NEURL4: variants seen among roughly 807,000 people sequenced by gnomAD.
The protein encoded by NEURL4 is neuralized E3 ubiquitin protein ligase 4.
Under a neutral mutation model 148.0 loss-of-function variants are expected in NEURL4, and 45 were observed. The ratio of observed to expected loss-of-function variants is 0.30; its 90% confidence interval spans 0.24 to 0.39. The LOEUF is 0.39. Ranked by LOEUF, NEURL4 falls within the 10% of genes least tolerant of loss-of-function variation. The pLI, the probability that NEURL4 is intolerant of heterozygous loss-of-function variation, is 1.00. For missense variants in NEURL4, 1,776 were observed against 2,144.0 expected, an observed-to-expected ratio of 0.83 and a Z score of 3.39; for synonymous variants, 854 against 869.0, an observed-to-expected ratio of 0.98 and a Z score of 0.30.
Position 7,323,951 on chromosome 17 carries a change from C to T in NEURL4, c.2124G>A (p.Pro708=), listed in dbSNP as rs543676085. 9.3e-6 allele frequency: 15 copies of T among 1,612,968 alleles called. No homozygotes were observed. The highest frequency in any genetic ancestry group is 4.5e-5 in the East Asian group (2 of 44,890). ...EGNNQVSPSS[P]SSGAGGSDLR... ...GGTCAGAGCCCCCGGCCCCTGAGGA[C>T]GGAGAGCTTGGAGACACCTGGTTGT... The change falls in exon 12 of 29, where the codon CCG becomes CCA. Residue 708 remains proline (P), a synonymous_variant. Coordinates refer to ENST00000399464, the MANE Select transcript of NEURL4 (RefSeq NM_032442.3).
Position 7,322,826 on chromosome 17 carries a change from T to G in NEURL4, c.2634A>C (p.Gln878His). 3 of 1,613,930 alleles carry G rather than the reference T, an allele frequency of 1.9e-6. No individual in the cohort carries two copies. Among genetic ancestry groups the G allele is most frequent in the Non-Finnish European group, 2.5e-6 (3 of 1,179,938 alleles). Reference sequence around the variant, plus strand: ...GGCCGGTGGCATTGGTGATGGACACTTGGACACACTGGCCATAGAGATCGA... The same window carrying G: ...GGCCGGTGGCATTGGTGATGGACACGTGGACACACTGGCCATAGAGATCGA... ...AVVDLYGQCVQVSITNATGPM... is the reference protein window; with the variant it reads ...AVVDLYGQCVHVSITNATGPM... The change falls in exon 16 of 29, where the codon CAA becomes CAC. Residue 878 changes from glutamine (Q) to histidine (H), a missense_variant. Coordinates refer to ENST00000399464, the MANE Select transcript of NEURL4 (RefSeq NM_032442.3). The surrounding 1 kb of genome is among the most constrained non-coding windows in gnomAD (Gnocchi z 5.5).
chr17:7,319,303 G>C, intron 21 of NEURL4, 95 bp from the exon 22 acceptor site: 1 of 1,098,730 alleles, frequency 9.1e-7, no homozygotes. Context: ...CTCCCAGAAT[G>C]TGGCCTGGGA....
At position 7,323,637 on chromosome 17, in the gene NEURL4, C is replaced by G. The variant is rs551384340; in HGVS notation, c.2338+10G>C. On this transcript the variant is annotated intron_variant, in intron 13 of 28. Transcript: ENST00000399464. ...TCCAACAGCCCCCAACACACACAGA[C>G]GGCCCTCACCAGCCTCAATGGAGCC... is the stretch of plus-strand genomic sequence containing the variant. 8 of 1,613,418 alleles carry G rather than the reference C, an allele frequency of 5.0e-6. No homozygotes were observed. In the African/African-American group the frequency reaches 9.3e-5, roughly 19 times the overall value.
In NEURL4 at chr17:7,326,427, G is replaced by A; in HGVS notation, c.1204+10C>T. 6.2e-7 allele frequency: 1 copy of A among 1,614,044 alleles called. No homozygotes were observed. Among genetic ancestry groups the A allele is most frequent in the Non-Finnish European group, 8.5e-7 (1 of 1,179,940 alleles). ...AGGCCTGCACCCCCGCCCCTGCCCG[G>A]GGCTGGTACCTGACTGGAGGTTGGT... is the stretch of plus-strand genomic sequence containing the variant. On this transcript the variant is annotated intron_variant, in intron 5 of 28. Coordinates refer to ENST00000399464, the MANE Select transcript of NEURL4 (RefSeq NM_032442.3). This position sits in a 1 kb window ranked among gnomAD's most constrained non-coding sequence, Gnocchi z 6.0.
In NEURL4 at chr17:7,319,404, A is replaced by T. The variant is rs1464601831; in HGVS notation, c.3526-196T>A. 1.9e-3 allele frequency among the ~76,000 whole-genome samples: 136 copies of T among 72,400 alleles called. 1 individual carries two copies. Among genetic ancestry groups the T allele is most frequent in the African/African-American group, 3.0e-3 (56 of 18,724 alleles). The allele number at this position is 72,400 out of a possible 152,430, so 47.5% of individuals were successfully genotyped here. On this transcript the variant is annotated intron_variant, in intron 21 of 28. Transcript: ENST00000399464. Reference sequence around the variant, plus strand: ...TTTTTTTTTTTTTTTTTTTTTTTTTAAAAAAAAGAACCGCCAGCCGGGCAT... The same window carrying T: ...TTTTTTTTTTTTTTTTTTTTTTTTTTAAAAAAAGAACCGCCAGCCGGGCAT...
Position 7,327,855 on chromosome 17 carries a change from A to G in NEURL4, c.312T>C (p.Ile104=), listed in dbSNP as rs1371608778. The change falls in exon 2 of 29, where the codon ATT becomes ATC. Residue 104 remains isoleucine (I), a synonymous_variant. Transcript: ENST00000399464. The surrounding 1 kb of genome is among the most constrained non-coding windows in gnomAD (Gnocchi z 6.6). ...KVNSWSGSIE[I]GVTALDPSVL... ...CACTGGGGTCCAGCGCTGTCACCCCAATCTCAATGGAGCCGCTCCAGGAGT... is the reference window on the plus strand; with the variant it reads ...CACTGGGGTCCAGCGCTGTCACCCCGATCTCAATGGAGCCGCTCCAGGAGT... 3.7e-6 allele frequency: 6 copies of G among 1,612,762 alleles called. No homozygotes were observed. The highest frequency in any genetic ancestry group is 1.7e-5 in the Admixed American group (1 of 59,894).
chr17:7,319,678 C>T (rs1352574052), intron 21 of NEURL4, among the ~76,000 whole-genome samples: 3 of 139,728 alleles, frequency 2.1e-5, no homozygotes, highest in South Asian at 2.3e-4. Flanking sequence ...CTAGCCTGGG[C>T]GACAAGAGCT....
chr17:7,325,080 A>G (rs2073084397), intron 8 of NEURL4, 100 bp from the exon 9 acceptor site: 1 of 1,558,158 alleles, frequency 6.4e-7, no homozygotes, highest in Non-Finnish European at 8.7e-7. Flanking sequence ...GCCCCAAGCC[A>G]AAGAACTAAA....
rs117189746 is a variant in NEURL4, at chr17:7,316,381, C to T, written c.4485-54G>A. 1,829 of 1,429,568 alleles carry T rather than the reference C, an allele frequency of 1.3e-3. 52 individuals carry two copies. In the East Asian group the frequency reaches 0.039, roughly 30 times the overall value. The allele number at this position is 1,429,568 out of a possible 1,614,324, so 88.6% of individuals were successfully genotyped here. On this transcript the variant is annotated intron_variant, in intron 28 of 28. Coordinates refer to ENST00000399464, the MANE Select transcript of NEURL4 (RefSeq NM_032442.3). ...AAGCCTCTCGCCCCATCACCTCCCCCTTGCAAAGTCTGTTCCAACCACACA... is the reference window on the plus strand; with the variant it reads ...AAGCCTCTCGCCCCATCACCTCCCCTTTGCAAAGTCTGTTCCAACCACACA...
At position 7,324,856 on chromosome 17, in the gene NEURL4, T is replaced by C; in HGVS notation, c.1756A>G (p.Thr586Ala). The change falls in exon 9 of 29, where the codon ACC becomes GCC. Residue 586 changes from threonine to alanine, a missense_variant. Coordinates refer to ENST00000399464, the MANE Select transcript of NEURL4 (RefSeq NM_032442.3). The surrounding 1 kb of genome is among the most constrained non-coding windows in gnomAD (Gnocchi z 5.9). Reference sequence around the variant, plus strand: ...TGGAGGTAGGCAGGGTTGTGGGTGGTGACACCAATTTCAATGGAGCCAGCC... The same window carrying C: ...TGGAGGTAGGCAGGGTTGTGGGTGGCGACACCAATTTCAATGGAGCCAGCC... Reference protein sequence around the residue: ...KWAGSIEIGVTTHNPAYLQLP... With the variant: ...KWAGSIEIGVATHNPAYLQLP... The C allele has an allele frequency of 6.2e-7, 1 of 1,614,128 alleles. No homozygotes were observed. Among genetic ancestry groups the C allele is most frequent in the Non-Finnish European group, 8.5e-7 (1 of 1,180,016 alleles).
At position 7,327,883 on chromosome 17, in the gene NEURL4, A is replaced by G. The variant is rs759417831; in HGVS notation, c.284T>C (p.Val95Ala). 11 of 1,601,194 alleles carry G rather than the reference A, an allele frequency of 6.9e-6. No individual in the cohort carries two copies. In the East Asian group the frequency reaches 2.5e-4, roughly 36 times the overall value. ...CTCAATGGAGCCGCTCCAGGAGTTG[A>G]CCTGGGATAGGGGTATTGGACAGAG... ...RVFTVRIDRK[V>A]NSWSGSIEIG... The change falls in exon 2 of 29, where the codon GTC becomes GCC. Residue 95 changes from valine (V) to alanine (A), a missense_variant and splice_region_variant. Physicochemically the swap from Val to Ala is moderately conservative, Grantham distance 64. Coordinates refer to ENST00000399464, the MANE Select transcript of NEURL4 (RefSeq NM_032442.3). The surrounding 1 kb of genome is among the most constrained non-coding windows in gnomAD (Gnocchi z 6.6).
chr17:7,321,028 C>G lies in NEURL4; in HGVS notation c.3360+84G>C. On this transcript the variant is annotated intron_variant, in intron 20 of 28. Transcript: ENST00000399464. The surrounding 1 kb of genome is among the most constrained non-coding windows in gnomAD (Gnocchi z 6.3). ...TGAGTGTGAGCCTCCACCCAACGATCAGAGAACCCAGAAAAGGCCTGGCAT... is the reference window on the plus strand; with the variant it reads ...TGAGTGTGAGCCTCCACCCAACGATGAGAGAACCCAGAAAAGGCCTGGCAT... The G allele has an allele frequency of 1.9e-6, 3 of 1,591,474 alleles. No homozygotes were observed. Among genetic ancestry groups the G allele is most frequent in the Non-Finnish European group, 2.6e-6 (3 of 1,166,216 alleles).
At chr17:7,319,826 TTTTCC>T (rs1175305779) in intron 21 of NEURL4, among the ~76,000 whole-genome samples, 4 of 152,040 alleles carry the variant, frequency 2.6e-5, no homozygotes, top group Non-Finnish European at 1.5e-5. Flanking sequence ...GCTAGTTTTC[TTTTCC>T]TTTCTTTTTT....
intron 28 of NEURL4, among the ~76,000 whole-genome samples, chr17:7,316,961 C>T (rs924053417): frequency 2.0e-5 from 3 of 152,018 alleles, no homozygotes; most frequent in East Asian, 1.9e-4. Flanking sequence ...ATACTTATTA[C>T]GTATGAACAT....
At chr17:7,328,023 C>CTGGACTCCGTCT (rs2073126128) in intron 1 of NEURL4, 139 bp from the exon 2 acceptor site, 1 of 686,016 alleles carries the variant, frequency 1.5e-6, no homozygotes, top group Non-Finnish European at 2.4e-6. Flanking sequence ...CAGTGATTTT[C>CTGGACTCCGTCT]TGGACTCCGT....
Position 7,318,767 on chromosome 17 carries a change from C to T in NEURL4, c.3685-93G>A. On this transcript the variant is annotated intron_variant, in intron 22 of 28. Coordinates refer to ENST00000399464, the MANE Select transcript of NEURL4 (RefSeq NM_032442.3). The surrounding 1 kb of genome is among the most constrained non-coding windows in gnomAD (Gnocchi z 4.3). ...CTGCTTCCTTTTGCCAGTGCCTTGG[C>T]TTTGCCTCCATGCTTGCCCACTGCC... 2 of 1,381,736 alleles carry T rather than the reference C, an allele frequency of 1.4e-6. No homozygotes were observed. Among genetic ancestry groups the T allele is most frequent in the Non-Finnish European group, 2.0e-6 (2 of 1,019,632 alleles). 85.6% of individuals were successfully genotyped at this position (1,381,736 alleles called of 1,614,324 possible).
At position 7,320,835 on chromosome 17, in the gene NEURL4, G is replaced by A. The variant is rs773875665; in HGVS notation, c.3449C>T (p.Thr1150Met). 22 of 1,613,828 alleles carry A rather than the reference G, an allele frequency of 1.4e-5. No individual in the cohort carries two copies. The highest frequency in any genetic ancestry group is 4.5e-5 in the East Asian group (2 of 44,892). Residue 1150 changes from threonine to methionine, a missense_variant, in exon 21 of 29, where the codon ACG (threonine) becomes ATG (methionine). Coordinates refer to ENST00000399464, the MANE Select transcript of NEURL4 (RefSeq NM_032442.3). ...ATTGTAGCTGGCCACCCGTGTGGCC[G>A]TACGGTTCCCATTAGACAAAAGGAT... is the stretch of plus-strand genomic sequence containing the variant. ...KNILLSNGNRTATRVASYNQG... is the reference protein window; with the variant it reads ...KNILLSNGNRMATRVASYNQG...
In NEURL4 at chr17:7,318,430, T is replaced by C. The variant is rs1364761657; in HGVS notation, c.3864+65A>G. On this transcript the variant is annotated intron_variant, in intron 23 of 28. Transcript: ENST00000399464. This position sits in a 1 kb window ranked among gnomAD's most constrained non-coding sequence, Gnocchi z 4.3. ...TGCTGATCCCTCCCTGGAACAGAGA[T>C]TTCCCCTGTCCTGGACAGCGCAGAC... 6.2e-7 allele frequency: 1 copy of C among 1,610,212 alleles called. No homozygotes were observed. The highest frequency in any genetic ancestry group is 2.2e-5 in the East Asian group (1 of 44,870).
In NEURL4 at chr17:7,323,815, G is replaced by T. The variant is rs1218130820; in HGVS notation, c.2260C>A (p.Arg754=). The change falls in exon 12 of 29, where the codon CGG becomes AGG. Residue 754 remains arginine, a splice_region_variant and synonymous_variant. Transcript: ENST00000399464. ...GGACATGAAAGTTGAGAGACTGACC[G>T]GTTGGAGATGACGATGGCGTCATTA... ...EFNDAIVISN[R]ALRDGELFEI... is the part of the protein sequence containing the mutation. 6.2e-7 allele frequency: 1 copy of T among 1,614,136 alleles called. No individual in the cohort carries two copies. Among genetic ancestry groups the T allele is most frequent in the East Asian group, 2.2e-5 (1 of 44,882 alleles).
Sources: gnomAD v4.1 joint callset for allele counts (sites outside exome capture counted in the v4.1 genomes callset) on GRCh38, gnomAD v4.1.1 for gene constraint, Gnocchi (gnomAD v3.1) non-coding constraint, MANE v1.5 for transcripts, NCBI Gene and HGNC (gene_info 2026-07-23, HGNC 2026-07-21) for gene names.